Variants in SNX32 observed in about 807,000 individuals in gnomAD.
SNX32 encodes the protein sorting nexin-32.
A neutral mutation model predicts 57.0 loss-of-function variants in SNX32; 58 were observed. The ratio of observed to expected loss-of-function variants is 1.02; its 90% CI spans 0.82 to 1.27. The LOEUF is 1.27. Among genes scored for constraint, SNX32 ranks in the 50% most tolerant of loss-of-function variants. The pLI is 0.00. For synonymous variants in SNX32, 262 were observed against 220.4 expected, an observed-to-expected ratio of 1.19 and a Z score of -1.67; for missense variants, 589 against 541.2, an observed-to-expected ratio of 1.09 and a Z score of -0.88.
At chr11:65,840,542 C>T (rs898736933) in intron 1 of SNX32, among the ~76,000 whole-genome samples, 1 of 152,172 alleles carries the variant, frequency 6.6e-6, no homozygotes, top group Non-Finnish European at 1.5e-5. Context: ...GTGGCTCAGG[C>T]CTGTAATCTC....
intron 12 of SNX32, 120 bp downstream of exon 12, chr11:65,853,078 T>TAC: frequency 1.6e-6 from 2 of 1,286,252 alleles, no homozygotes; most frequent in Non-Finnish European, 2.2e-6. Context: ...CGCGTGTGTG[T>TAC]GCATGAGAGG....
At chr11:65,849,455 C>A in intron 1 of SNX32, 23 bp from the exon 2 acceptor site, 1 of 1,586,086 alleles carries the variant, frequency 6.3e-7, no homozygotes, top group Non-Finnish European at 8.6e-7. Context: ...TCAGCCAGGC[C>A]AGAGACCTCC....
chr11:65,841,773 AAGAAAAAG>A (rs1565247545), intron 1 of SNX32, among the ~76,000 whole-genome samples: 1 of 151,968 alleles, frequency 6.6e-6, no homozygotes, highest in African/African-American at 2.4e-5. Context: ...ATAAAAAGCA[AAGAAAAAG>A]AGAATCATCA....
At chr11:65,841,524 C>T (rs761447474) in intron 1 of SNX32, among the ~76,000 whole-genome samples, 14 of 152,134 alleles carry the variant, frequency 9.2e-5, no homozygotes, top group Non-Finnish European at 2.1e-4. Flanking sequence ...AGGCATGAGC[C>T]ACTATGCCCA....
At chr11:65,851,542 G>T (rs1019520156) in intron 8 of SNX32, 98 bp from the exon 9 acceptor site, 1 of 1,544,318 alleles carries the variant, frequency 6.5e-7, no homozygotes, top group Admixed American at 1.7e-5. Context: ...TGTTGGGAAG[G>T]AAAGGGGAGA....
chr11:65,852,231 C>T (rs1269092991), intron 9 of SNX32, among the ~76,000 whole-genome samples: 1 of 152,148 alleles, frequency 6.6e-6, no homozygotes, highest in African/African-American at 2.4e-5. Flanking sequence ...GCCGGGCTTG[C>T]ACAGCTGCCA....
intron 2 of SNX32, 21 bp downstream of exon 2, chr11:65,849,603 A>C: frequency 1.2e-6 from 2 of 1,605,794 alleles, no homozygotes; most frequent in Admixed American, 3.4e-5. Context: ...GCGGGGCACG[A>C]GGAAAGGTCC....
At chr11:65,845,235 C>T (rs1035868369) in intron 1 of SNX32, among the ~76,000 whole-genome samples, 74 of 150,060 alleles carry the variant, frequency 4.9e-4, no homozygotes, top group African/African-American at 7.4e-5. Flanking sequence ...GTCTGGAGAT[C>T]GAGACCATCC....
At chr11:65,846,910 G>A (rs567226496) in intron 1 of SNX32, among the ~76,000 whole-genome samples, 1 of 151,726 alleles carries the variant, frequency 6.6e-6, no homozygotes, top group Admixed American at 6.6e-5. Flanking sequence ...TGGAACCCGG[G>A]AGGCGGAGGT....
chr11:65,852,515 G>A lies in SNX32; in HGVS notation c.876G>A (p.Met292Ile). Residue 292 changes from methionine to isoleucine, a missense_variant, in exon 10 of 13, where the codon ATG becomes ATA. Physicochemically the swap from Met to Ile is conservative, Grantham distance 10 (BLOSUM62 1). Coordinates refer to ENST00000308342, the MANE Select transcript of SNX32 (RefSeq NM_152760.3). Reference sequence around the variant, plus strand: ...ATGAGGACCTGAAGCTGTCAGACATGCTGAGGTACTACATGCGTGACTCAC... The same window carrying A: ...ATGAGGACCTGAAGCTGTCAGACATACTGAGGTACTACATGCGTGACTCAC... ...ASDEDLKLSD[M>I]LRYYMRDSQA... The A allele has an allele frequency of 6.2e-7, 1 of 1,614,220 alleles. No homozygotes were observed. The highest frequency in any genetic ancestry group is 1.6e-4 in the Middle Eastern group (1 of 6,062).
rs1182747190 is a variant in SNX32 at position 65,853,470 on chromosome 11, AG to A, written c.*138del. Reference sequence around the variant, plus strand: ...CCCTCACTCTGCCCCACATCCTCTCAGGGAAAGCCCAAACCCCCTATCACCA... The same window carrying A: ...CCCTCACTCTGCCCCACATCCTCTCAGGAAAGCCCAAACCCCCTATCACCA... On this transcript the variant is annotated 3_prime_UTR_variant, in exon 13 of 13. Coordinates refer to ENST00000308342, the MANE Select transcript of SNX32 (RefSeq NM_152760.3). 2.0e-5 allele frequency: 18 copies of A among 895,184 alleles called. No homozygotes were observed. In the Admixed American group the frequency reaches 3.6e-4, roughly 18 times the overall value. The allele number at this position is 895,184 out of a possible 1,614,324, so 55.5% of individuals were successfully genotyped here.
At chr11:65,852,411 C>A in intron 9 of SNX32, 54 bp from the exon 10 acceptor site, 1 of 1,476,304 alleles carries the variant, frequency 6.8e-7, no homozygotes, top group Non-Finnish European at 9.5e-7. Context: ...GCCTCCCACC[C>A]CTTAGCTGCC....
Position 65,833,991 on chromosome 11 carries a change from G to A in SNX32, c.-75G>A. The A allele has an allele frequency of 6.6e-7, 1 of 1,513,218 alleles. No homozygotes were observed. Among genetic ancestry groups the A allele is most frequent in the Non-Finnish European group, 9.0e-7 (1 of 1,116,328 alleles). The allele number at this position is 1,513,218 out of a possible 1,614,324, so 93.7% of individuals were successfully genotyped here. On this transcript the variant is annotated 5_prime_UTR_variant, in exon 1 of 13. Transcript: ENST00000308342. ...AGCTGAGAGCATCCTCACTCGGTCA[G>A]TTCCTCGGGCGAGTTACGGGGACGA...
In SNX32 at chr11:65,852,465, A is replaced by G. The variant is rs1859231017; in HGVS notation, c.826A>G (p.Lys276Glu). Reference sequence around the variant, plus strand: ...CCCAGTGCCCACCTTTCTGATGCAGAAGCTGGAGGGCCGGGTGGCTTCCGA... The same window carrying G: ...CCCAGTGCCCACCTTTCTGATGCAGGAGCTGGAGGGCCGGGTGGCTTCCGA... ...KLAELFERLR[K>E]LEGRVASDED... The change falls in exon 10 of 13, where the codon AAG becomes GAG. Residue 276 changes from lysine to glutamate, a missense_variant and splice_region_variant. Transcript: ENST00000308342. 6.2e-7 allele frequency: 1 copy of G among 1,614,160 alleles called. No individual in the cohort carries two copies. The highest frequency in any genetic ancestry group is 8.5e-7 in the Non-Finnish European group (1 of 1,179,996).
At chr11:65,839,223 G>GTTTTGTTTTTTTTT (rs755185237) in intron 1 of SNX32, among the ~76,000 whole-genome samples, 1 of 23,078 alleles carries the variant, frequency 4.3e-5, no homozygotes, top group South Asian at 2.0e-3. Context: ...TAATTTTTTT[G>GTTTTGTTTTTTTTT]TATTTTTTTT....
chr11:65,851,352 T>C lies in SNX32; in HGVS notation c.734T>C (p.Ile245Thr). 6.2e-7 allele frequency: 1 copy of C among 1,614,090 alleles called. No individual in the cohort carries two copies. The highest frequency in any genetic ancestry group is 8.5e-7 in the Non-Finnish European group (1 of 1,179,982). ...GGCCTGGCAGACGATTATATCCCTA[T>C]CTCAGCTGCGCTGAGCAGTCTGGGA... ...HKCLADDYIPISAALSSLGTQ... is the reference protein window; with the variant it reads ...HKCLADDYIPTSAALSSLGTQ... The change falls in exon 8 of 13, where the codon ATC becomes ACC. Residue 245 changes from isoleucine to threonine, a missense_variant. By Grantham distance (89) the Ile-to-Thr change is moderately conservative. Coordinates refer to ENST00000308342, the MANE Select transcript of SNX32 (RefSeq NM_152760.3).
chr11:65,853,541 A>C lies in SNX32; in HGVS notation c.*206A>C, dbSNP rs1859298707. The C allele has an allele frequency of 3.3e-6, 2 of 604,528 alleles. No homozygotes were observed. Among genetic ancestry groups the C allele is most frequent in the African/African-American group, 3.7e-5 (2 of 53,930 alleles). 37.4% of individuals were successfully genotyped at this position (604,528 alleles called of 1,614,324 possible). A position where few individuals can be genotyped will look rare whatever the true frequency, so the allele number is the denominator to read the frequency against. On this transcript the variant is annotated 3_prime_UTR_variant, in exon 13 of 13. Transcript: ENST00000308342. ...CTGCAAGACACAGGGCAGCATGGGC[A>C]TCATAACTGGCCACAGTCAGCAGAG...
chr11:65,850,691 A>T, intron 5 of SNX32, 60 bp from the exon 6 acceptor site: 3 of 1,588,926 alleles, frequency 1.9e-6, no homozygotes, highest in South Asian at 2.3e-5. Flanking sequence ...AGTGGCTTGC[A>T]ACTTGGGGTG....
chr11:65,834,455 T>C (rs1591020088), intron 1 of SNX32, among the ~76,000 whole-genome samples: 1 of 150,596 alleles, frequency 6.6e-6, no homozygotes, highest in East Asian at 2.0e-4. Context: ...GTGTATGGCC[T>C]GTGTGTGTCT....
Sources: gnomAD v4.1 joint callset for allele counts (sites outside exome capture counted in the v4.1 genomes callset) on GRCh38, gnomAD v4.1.1 for gene constraint, MANE v1.5 for transcripts, NCBI Gene and HGNC (gene_info 2026-07-23, HGNC 2026-07-21) for gene names.